GABRG3: variants seen among roughly 807,000 people sequenced by gnomAD.
GABRG3 encodes the protein gamma-aminobutyric acid type A receptor subunit gamma3, also known as gamma-aminobutyric acid receptor subunit gamma-3.
GABRG3 carries 25 observed loss-of-function variants against 48.8 expected under a neutral mutation model. That is an observed-to-expected ratio of 0.51 (90% CI 0.37 to 0.72). The LOEUF (loss-of-function observed/expected upper bound fraction) is 0.72. Ranked by LOEUF, GABRG3 falls within the 30% of genes least tolerant of loss-of-function variation. The pLI is 0.00. For synonymous variants in GABRG3, 227 were observed against 217.6 expected (o/e 1.04, Z -0.38); for missense variants, 394 against 577.9 (o/e 0.68, Z 3.26).
intron 3 of GABRG3, among the ~76,000 whole-genome samples, chr15:27,068,278 G>T (rs971970975): frequency 1.3e-5 from 2 of 152,274 alleles, no homozygotes; most frequent in African/African-American, 4.8e-5. Context: ...GCCAGGTGCT[G>T]GGGGAGATGC....
chr15:27,083,301 C>T (rs535511245), intron 3 of GABRG3, among the ~76,000 whole-genome samples: 97 of 151,172 alleles, frequency 6.4e-4, no homozygotes, highest in African/African-American at 2.3e-3. Context: ...TCATCTGAAC[C>T]GACAAGTGGT....
intron 5 of GABRG3, among the ~76,000 whole-genome samples, chr15:27,375,335 G>A (rs1895559018): frequency 6.6e-6 from 1 of 152,182 alleles, no homozygotes; most frequent in African/African-American, 2.4e-5. Flanking sequence ...ACAGAGGATT[G>A]AGAGACAGGA....
chr15:27,429,035 A>G (rs546256386), intron 5 of GABRG3, among the ~76,000 whole-genome samples: 1 of 152,350 alleles, frequency 6.6e-6, no homozygotes, highest in South Asian at 2.1e-4. Flanking sequence ...AGTTTTATAC[A>G]TATAGATAAG....
At chr15:27,069,395 G>A (rs895523377) in intron 3 of GABRG3, among the ~76,000 whole-genome samples, 2 of 152,194 alleles carry the variant, frequency 1.3e-5, no homozygotes, top group African/African-American at 4.8e-5. Flanking sequence ...CTCAATTGCT[G>A]TGGGCCCACA....
chr15:27,432,780 CAAG>C (rs761056202), intron 5 of GABRG3, among the ~76,000 whole-genome samples: 13 of 152,186 alleles, frequency 8.5e-5, no homozygotes, highest in Non-Finnish European at 1.9e-4. Context: ...CTATTGGCAT[CAAG>C]AAGAAACCAG....
chr15:27,370,380 G>A (rs994496390), intron 5 of GABRG3, among the ~76,000 whole-genome samples: 1 of 152,242 alleles, frequency 6.6e-6, no homozygotes, highest in African/African-American at 2.4e-5. Context: ...ATAGCCTGGA[G>A]TACTTGTTCT....
intron 3 of GABRG3, chr15:27,271,468 G>T: frequency 2.2e-6 from 1 of 445,466 alleles, no homozygotes; most frequent in Admixed American, 2.4e-5. Context: ...CGCCCTCGGA[G>T]CTCAGGCCAT....
chr15:27,462,334 T>C (rs1889476395), intron 5 of GABRG3, among the ~76,000 whole-genome samples: 1 of 152,142 alleles, frequency 6.6e-6, no homozygotes, highest in African/African-American at 2.4e-5. Flanking sequence ...TTTAGAAATG[T>C]GCCAGGAACT....
At chr15:27,060,470 A>G (rs899895859) in intron 3 of GABRG3, among the ~76,000 whole-genome samples, 1 of 152,254 alleles carries the variant, frequency 6.6e-6, no homozygotes, top group Non-Finnish European at 1.5e-5. Context: ...TGCAAAGCAA[A>G]TCCCTGCTTG....
rs189746329 is a variant in GABRG3, at chr15:27,490,751, G to A, written c.712+9964G>A. Among the ~76,000 whole-genome samples, 14 of 152,232 alleles carry A rather than the reference G, an allele frequency of 9.2e-5. No homozygotes were observed. In the East Asian group the frequency reaches 1.2e-3, roughly 13 times the overall value. Reference sequence around the variant, plus strand: ...TCCCTGGACAACAGCACTGCTCTTCGGATGTTGCTCAGTTCCCACTTCGCT... The same window carrying A: ...TCCCTGGACAACAGCACTGCTCTTCAGATGTTGCTCAGTTCCCACTTCGCT... On this transcript the variant is annotated intron_variant, in intron 6 of 9. Transcript: ENST00000615808.
chr15:27,072,274 C>T (rs116764120), intron 3 of GABRG3, among the ~76,000 whole-genome samples: 2 of 152,290 alleles, frequency 1.3e-5, no homozygotes, highest in African/African-American at 4.8e-5. Flanking sequence ...CCAGTCCACT[C>T]GGTAACATTG....
chr15:27,327,400 C>CT, intron 4 of GABRG3, among the ~76,000 whole-genome samples: 1 of 152,310 alleles, frequency 6.6e-6, no homozygotes, highest in East Asian at 1.9e-4. Flanking sequence ...GAGTCAGCCC[C>CT]TTTCCCAGCA....
chr15:27,189,695 C>G (rs1180062863), intron 3 of GABRG3, among the ~76,000 whole-genome samples: 2 of 152,212 alleles, frequency 1.3e-5, no homozygotes, highest in East Asian at 1.9e-4. Flanking sequence ...TTGACTTCCT[C>G]TTTTCCTAAT....
intron 3 of GABRG3, among the ~76,000 whole-genome samples, chr15:27,267,058 C>T (rs1186588312): frequency 6.7e-6 from 1 of 149,856 alleles, no homozygotes; most frequent in Non-Finnish European, 1.5e-5. Flanking sequence ...AGCAGATATC[C>T]TTACATTGTT....
chr15:27,171,160 G>A (rs1221331414), intron 3 of GABRG3, among the ~76,000 whole-genome samples: 1 of 152,104 alleles, frequency 6.6e-6, no homozygotes, highest in Non-Finnish European at 1.5e-5. Context: ...GAAAGCCTGG[G>A]CATCAAATGT....
chr15:27,080,587 TG>T (rs1896976794), intron 3 of GABRG3, among the ~76,000 whole-genome samples: 1 of 152,196 alleles, frequency 6.6e-6, no homozygotes, highest in Non-Finnish European at 1.5e-5. Context: ...GAGACCAGCC[TG>T]GGCAACACAG....
chr15:27,183,508 G>A (rs1478814225), intron 3 of GABRG3, among the ~76,000 whole-genome samples: 1 of 152,204 alleles, frequency 6.6e-6, no homozygotes, highest in Non-Finnish European at 1.5e-5. Flanking sequence ...AAGTATTATT[G>A]TGAAGGGGGT....
At chr15:27,407,181 C>T (rs1039085342) in intron 5 of GABRG3, among the ~76,000 whole-genome samples, 2 of 152,082 alleles carry the variant, frequency 1.3e-5, no homozygotes, top group African/African-American at 4.8e-5. Context: ...CCAACTTGGC[C>T]TCCCAAATTG....
chr15:27,374,688 C>T (rs1356568640), intron 5 of GABRG3, among the ~76,000 whole-genome samples: 1 of 152,060 alleles, frequency 6.6e-6, no homozygotes, highest in Non-Finnish European at 1.5e-5. Flanking sequence ...AACAGCCACG[C>T]CAAGGTGTGT....
Sources: gnomAD v4.1 joint callset for allele counts (sites outside exome capture counted in the v4.1 genomes callset) on GRCh38, gnomAD v4.1.1 for gene constraint, MANE v1.5 for transcripts, NCBI Gene and HGNC (gene_info 2026-07-23, HGNC 2026-07-21) for gene names.